The following PIK3C2A variants were observed in gnomAD, a reference collection of about 807,000 sequenced individuals.
PIK3C2A encodes the protein phosphatidylinositol 4-phosphate 3-kinase C2 domain-containing subunit alpha.
A neutral mutation model predicts 204.5 loss-of-function variants in PIK3C2A; 97 were observed. That is an observed-to-expected ratio of 0.47 (90% CI 0.40 to 0.56). The LOEUF is 0.56. Among genes scored for constraint, PIK3C2A ranks in the 20% least tolerant of loss-of-function variants. The pLI is 0.00. For missense variants in PIK3C2A, 1,735 were observed against 1,969.2 expected (o/e 0.88, Z 2.25); for synonymous variants, 653 against 664.4 (o/e 0.98, Z 0.26).
chr11:17,199,203 A>G (rs1018269876), intron 1 of PIK3C2A, among the ~76,000 whole-genome samples: 10 of 152,300 alleles, frequency 6.6e-5, no homozygotes, highest in African/African-American at 2.2e-4. Context: ...TAGAATGGCT[A>G]TAACTGGAAA....
At chr11:17,149,531 T>C (rs1179511672) in intron 4 of PIK3C2A, among the ~76,000 whole-genome samples, 3 of 152,146 alleles carry the variant, frequency 2.0e-5, no homozygotes, top group Non-Finnish European at 2.9e-5. Flanking sequence ...AAATGAATTA[T>C]AAGAAAAAGA....
At chr11:17,207,643 G>C (rs879433662) in intron 1 of PIK3C2A, among the ~76,000 whole-genome samples, 12 of 152,034 alleles carry the variant, frequency 7.9e-5, no homozygotes, top group Non-Finnish European at 1.0e-4. Flanking sequence ...ACTTGCTCAC[G>C]GCCTGGGTGG....
At chr11:17,154,000 A>G (rs1171777893) in intron 3 of PIK3C2A, among the ~76,000 whole-genome samples, 1 of 152,208 alleles carries the variant, frequency 6.6e-6, no homozygotes, top group East Asian at 1.9e-4. Context: ...TTGCAGTCAT[A>G]GTCTACTAAT....
intron 11 of PIK3C2A, among the ~76,000 whole-genome samples, chr11:17,132,614 C>G (rs1203383015): frequency 6.6e-6 from 1 of 151,878 alleles, no homozygotes; most frequent in African/African-American, 2.4e-5. Context: ...CAGGCGTGAG[C>G]CACCGCGCCC....
Position 17,134,868 on chromosome 11 carries a change from G to A in PIK3C2A, c.2059C>T (p.Gln687Ter), listed in dbSNP as rs1849819111. 6.2e-7 allele frequency: 1 copy of A among 1,614,092 alleles called. No individual in the cohort carries two copies. The change falls in exon 11 of 33, where the codon CAG becomes TAG. Residue 687 changes from glutamine to a stop codon, truncating the protein, a stop_gained. Coordinates refer to ENST00000691414, the MANE Select transcript of PIK3C2A (RefSeq NM_002645.4). LOFTEE classifies it high-confidence loss of function. Reference protein sequence around the residue: ...KEAWTTTEQLQFTIFAAHGIS... With the variant: ...KEAWTTTEQL ...CCATGAGCAGCAAAAATAGTAAACT[G>A]GAGCTGCTCTGTTGTAGTCCATGCT...
chr11:17,098,602 T>C (rs1250254889), intron 26 of PIK3C2A, among the ~76,000 whole-genome samples: 1 of 152,140 alleles, frequency 6.6e-6, no homozygotes, highest in African/African-American at 2.4e-5. Flanking sequence ...AGCCAATGAA[T>C]CTCTCTTAAA....
chr11:17,098,926 G>A (rs953474346), intron 26 of PIK3C2A, among the ~76,000 whole-genome samples: 13 of 152,218 alleles, frequency 8.5e-5, no homozygotes, highest in East Asian at 3.9e-4. Flanking sequence ...ACAGAGTTTC[G>A]CTTTTGTTCC....
rs186629621 is a variant in PIK3C2A, at chr11:17,087,757, G to A, written c.*1981C>T. The stretch of plus-strand genomic sequence containing the variant: ...TTGCAAAGGTACTTACATACTTTAA[G>A]GAAATGTTAATGATCTGTGGAAAAA... On this transcript the variant is annotated 3_prime_UTR_variant, in exon 33 of 33. Transcript: ENST00000691414. 1.4e-4 allele frequency: 21 copies of A among 152,254 alleles called. No individual in the cohort carries two copies. Among genetic ancestry groups the A allele is most frequent in the Admixed American group, 1.4e-3 (21 of 15,292 alleles). The allele number at this position is 152,254 out of a possible 1,614,324, so 9.4% of individuals were successfully genotyped here.
At chr11:17,141,321 G>T (rs1369430384) in intron 8 of PIK3C2A, 3 of 146,656 alleles carry the variant, frequency 2.0e-5, no homozygotes, top group Non-Finnish European at 3.0e-5. Flanking sequence ...ACCCAGACTG[G>T]ACTGCAGCAG....
intron 24 of PIK3C2A, 105 bp downstream of exon 24, chr11:17,102,557 T>C: frequency 1.2e-6 from 1 of 823,488 alleles, no homozygotes; most frequent in Non-Finnish European, 2.0e-6. Flanking sequence ...TCATTCCCAG[T>C]TATGTTCAAA....
At position 17,169,687 on chromosome 11, in the gene PIK3C2A, C is replaced by T. The variant is rs748049814; in HGVS notation, c.55G>A (p.Glu19Lys). 6.2e-7 allele frequency: 1 copy of T among 1,610,328 alleles called. No individual in the cohort carries two copies. Among genetic ancestry groups the T allele is most frequent in the Non-Finnish European group, 8.5e-7 (1 of 1,179,872 alleles). ...GFKECPSSHP[E>K]PTRAKDVDKE... The stretch of plus-strand genomic sequence containing the variant: ...TCCACATCTTTTGCTCTTGTTGGTT[C>T]CGGATGTGAAGATGGACATTCTTTA... Residue 19 changes from glutamate to lysine, a missense_variant, in exon 2 of 33, where the codon GAA (glutamate) becomes AAA (lysine). By Grantham distance (56) the Glu-to-Lys change is moderately conservative. This residue lies in a region of PIK3C2A where 536 missense variants were observed against 546.7 expected (regional missense o/e 0.98). Coordinates refer to ENST00000691414, the MANE Select transcript of PIK3C2A (RefSeq NM_002645.4).
At chr11:17,125,786 C>T (rs554769550) in intron 13 of PIK3C2A, among the ~76,000 whole-genome samples, 84 of 152,208 alleles carry the variant, frequency 5.5e-4, no homozygotes, top group African/African-American at 1.9e-3. Context: ...AGGCATGAGC[C>T]ACCATAACGG....
chr11:17,135,088 A>T, intron 10 of PIK3C2A, 23 bp downstream of exon 10: 1 of 1,613,676 alleles, frequency 6.2e-7, no homozygotes, highest in South Asian at 1.1e-5. Context: ...TTATTGCTAA[A>T]ATTTAAAGAT....
Position 17,189,764 on chromosome 11 carries a change from A to AT in PIK3C2A, c.-66+18083_-66+18084insA, listed in dbSNP as rs560302703. On this transcript the variant is annotated intron_variant, in intron 1 of 32. Transcript: ENST00000691414. ...TATGAAAAACTAAAAAGTGAGCTGA[A>AT]ATTGAGCCACTGCACTCCAGCCTGG... 4.2e-4 allele frequency among the ~76,000 whole-genome samples: 61 copies of AT among 144,792 alleles called. 1 individual carries two copies. In the East Asian group the frequency reaches 0.013, roughly 31 times the overall value. The allele number at this position is 144,792 out of a possible 152,430, so 95.0% of individuals were successfully genotyped here.
At chr11:17,110,269 A>G (rs1443454816) in intron 22 of PIK3C2A, among the ~76,000 whole-genome samples, 163 bp downstream of exon 22, 1 of 152,134 alleles carries the variant, frequency 6.6e-6, no homozygotes, top group African/African-American at 2.4e-5. Context: ...TTATTTTTCA[A>G]AGAGACTTAA....
Position 17,114,461 on chromosome 11 carries a change from A to C in PIK3C2A, c.3221T>G (p.Val1074Gly). 6.9e-7 allele frequency: 1 copy of C among 1,449,852 alleles called. No homozygotes were observed. Among genetic ancestry groups the C allele is most frequent in the Non-Finnish European group, 9.7e-7 (1 of 1,031,464 alleles). 89.8% of individuals were successfully genotyped at this position (1,449,852 alleles called of 1,614,324 possible). ...TACTCGTTCCATACTTCTTTGGAGA[A>C]CAACCTATAGAAAGAGATGTGATAC... Reference protein sequence around the residue: ...RQASGSARQVVLQRSMERVQS... With the variant: ...RQASGSARQVGLQRSMERVQS... The change falls in exon 20 of 33, where the codon GTT (valine) becomes GGT (glycine). Residue 1074 changes from valine (V) to glycine (G), a missense_variant. Physicochemically the swap from Val to Gly is moderately radical, Grantham distance 109 (BLOSUM62 -3). Transcript: ENST00000691414.
At chr11:17,129,588 G>A in intron 12 of PIK3C2A, 121 bp from the exon 13 acceptor site, 1 of 686,520 alleles carries the variant, frequency 1.5e-6, no homozygotes, top group Admixed American at 2.9e-5. Flanking sequence ...CTTTATTTTG[G>A]TATTTTTATT....
At position 17,125,845 on chromosome 11, in the gene PIK3C2A, C is replaced by T. The variant is rs74393105; in HGVS notation, c.2400-3032G>A. Among the ~76,000 whole-genome samples the T allele has an allele frequency of 1.3e-3, 194 of 152,180 alleles. 1 individual carries two copies. The highest frequency in any genetic ancestry group is 4.1e-3 in the African/African-American group (171 of 41,552). ...AAAAACTTTGTCATATCAATTACTG[C>T]TAGGCATGGTGGCTCACACCTGTAA... On this transcript the variant is annotated intron_variant, in intron 13 of 32. Coordinates refer to ENST00000691414, the MANE Select transcript of PIK3C2A (RefSeq NM_002645.4).
chr11:17,160,256 T>C (rs1850730104), intron 2 of PIK3C2A, among the ~76,000 whole-genome samples: 1 of 152,076 alleles, frequency 6.6e-6, no homozygotes, highest in Non-Finnish European at 1.5e-5. Flanking sequence ...AAGTAAAGCA[T>C]TATTAAAAAC....
Sources: gnomAD v4.1 joint callset for allele counts (sites outside exome capture counted in the v4.1 genomes callset) on GRCh38, gnomAD v4.1.1 for gene constraint, gnomAD v4.1.1 regional missense constraint, MANE v1.5 for transcripts, NCBI Gene and HGNC (gene_info 2026-07-23, HGNC 2026-07-21) for gene names.